The following PPFIA1 variants were observed in gnomAD, a reference collection of about 807,000 sequenced individuals.
PPFIA1 encodes the protein liprin-alpha-1.
A neutral mutation model predicts 149.9 loss-of-function variants in PPFIA1; 25 were observed. The ratio of observed to expected loss-of-function variants is 0.17; its 90% CI spans 0.12 to 0.23. The LOEUF (loss-of-function observed/expected upper bound fraction) is 0.23, where lower values mean the gene tolerates loss of function less well. PPFIA1 is among the 10% of genes least tolerant of loss of function. The probability of loss-of-function intolerance (pLI) is 1.00; values close to 1 mark genes in which losing one functional copy is unlikely to be tolerated. For missense variants in PPFIA1, 1,362 were observed against 1,506.5 expected, an observed-to-expected ratio of 0.90 and a Z score of 1.59; for synonymous variants, 549 against 552.8, an observed-to-expected ratio of 0.99 and a Z score of 0.10.
At chr11:70,315,485 T>C (rs538139866) in intron 2 of PPFIA1, among the ~76,000 whole-genome samples, 1 of 152,226 alleles carries the variant, frequency 6.6e-6, no homozygotes, top group African/African-American at 2.4e-5. Flanking sequence ...CATTTTAATA[T>C]ATAAACTTCT....
At chr11:70,282,632 C>T (rs1249760420) in intron 2 of PPFIA1, among the ~76,000 whole-genome samples, 1 of 144,764 alleles carries the variant, frequency 6.9e-6, no homozygotes, top group Admixed American at 7.2e-5. Flanking sequence ...GGGTTCACAC[C>T]ATTCTTCTGC....
intron 2 of PPFIA1, among the ~76,000 whole-genome samples, chr11:70,293,177 C>T (rs2051650590): frequency 6.6e-6 from 1 of 152,238 alleles, no homozygotes; most frequent in Non-Finnish European, 1.5e-5. Context: ...TTAACGGTTA[C>T]CTACCTGTTC....
intron 27 of PPFIA1, 57 bp downstream of exon 27, chr11:70,382,215 C>A: frequency 7.1e-7 from 1 of 1,401,678 alleles, no homozygotes; most frequent in Non-Finnish European, 1.0e-6. Flanking sequence ...CAGGAGTCAT[C>A]GGAGCTGCAG....
In PPFIA1 at chr11:70,312,122, G is replaced by C. The variant is rs146719317; in HGVS notation, c.265-12280G>C. On this transcript the variant is annotated intron_variant, in intron 2 of 27. Coordinates refer to ENST00000253925, the MANE Select transcript of PPFIA1 (RefSeq NM_003626.5). The stretch of plus-strand genomic sequence containing the variant: ...GCTTCTCAAAGTGCAGGGATTACAA[G>C]CGTGAGCCACCACTCCTGGCCGTGA... Among the ~76,000 whole-genome samples the C allele has an allele frequency of 2.7e-3, 412 of 151,910 alleles. 1 individual carries two copies. The highest frequency in any genetic ancestry group is 9.7e-3 in the African/African-American group (401 of 41,442).
intron 19 of PPFIA1, among the ~76,000 whole-genome samples, chr11:70,361,240 C>T (rs767121800): frequency 2.6e-4 from 40 of 152,308 alleles, no homozygotes; most frequent in Non-Finnish European, 4.6e-4. Context: ...CTCTCAGAGT[C>T]TATGGGGGAT....
intron 2 of PPFIA1, among the ~76,000 whole-genome samples, chr11:70,296,148 A>G (rs1486421182): frequency 3.4e-5 from 5 of 147,674 alleles, no homozygotes; most frequent in Non-Finnish European, 6.0e-5. Flanking sequence ...GGTGCTCCTC[A>G]CTTCCTAGAT....
rs1189080374 is a variant in PPFIA1 at position 70,270,699 on chromosome 11, C to A, written c.-216C>A. 6.6e-6 allele frequency: 1 copy of A among 151,334 alleles called. No homozygotes were observed. Among genetic ancestry groups the A allele is most frequent in the Non-Finnish European group, 1.5e-5 (1 of 67,794 alleles). The allele number at this position is 151,334 out of a possible 1,614,324, so 9.4% of individuals were successfully genotyped here. On this transcript the variant is annotated 5_prime_UTR_variant, in exon 1 of 28. Coordinates refer to ENST00000253925, the MANE Select transcript of PPFIA1 (RefSeq NM_003626.5). ...TCGACGTCGGGCACGTAGACGCCGGCGCCGCGCAGCCGGGCCCGCTCCTCC... is the reference window on the plus strand; with the variant it reads ...TCGACGTCGGGCACGTAGACGCCGGAGCCGCGCAGCCGGGCCCGCTCCTCC...
intron 2 of PPFIA1, among the ~76,000 whole-genome samples, chr11:70,298,114 A>G (rs2052208988): frequency 6.6e-6 from 1 of 152,240 alleles, no homozygotes; most frequent in South Asian, 2.1e-4. Context: ...TATTGAATGA[A>G]AATCCAAATC....
At position 70,372,360 on chromosome 11, in the gene PPFIA1, G is replaced by A. The variant is rs1431188951; in HGVS notation, c.3011G>A (p.Gly1004Glu). Residue 1004 changes from glycine (G) to glutamate (E), a missense_variant, in exon 22 of 28, where the codon GGG (glycine) becomes GAG (glutamate). Physicochemically the swap from Gly to Glu is moderately conservative, Grantham distance 98. This residue lies in a region of PPFIA1 where 349 missense variants were observed against 373.3 expected (regional missense o/e 0.93). Transcript: ENST00000253925. ...LDHLTKKDLR[G>E]QLKMVDSFHR... Reference sequence around the variant, plus strand: ...CACTTGACCAAGAAAGACCTTCGAGGGCAGCTGAAAATGGTCGACAGTTTT... The same window carrying A: ...CACTTGACCAAGAAAGACCTTCGAGAGCAGCTGAAAATGGTCGACAGTTTT... The A allele has an allele frequency of 3.1e-6, 5 of 1,614,138 alleles. No homozygotes were observed. The highest frequency in any genetic ancestry group is 4.2e-6 in the Non-Finnish European group (5 of 1,180,032).
At chr11:70,296,400 C>T (rs1320367855) in intron 2 of PPFIA1, among the ~76,000 whole-genome samples, 1 of 152,290 alleles carries the variant, frequency 6.6e-6, no homozygotes, top group Non-Finnish European at 1.5e-5. Flanking sequence ...CCATTGAGCA[C>T]TGAGTGAACC....
At chr11:70,271,560 C>T (rs1469494501) in intron 1 of PPFIA1, among the ~76,000 whole-genome samples, 1 of 152,004 alleles carries the variant, frequency 6.6e-6, no homozygotes, top group African/African-American at 2.4e-5. Flanking sequence ...TTAGGTTGAC[C>T]AACCGTTGCA....
chr11:70,355,156 G>C (rs914412159), intron 17 of PPFIA1, among the ~76,000 whole-genome samples: 1 of 152,132 alleles, frequency 6.6e-6, no homozygotes, highest in African/African-American at 2.4e-5. Context: ...GCCCGCCTCG[G>C]CCTCCCAAAA....
chr11:70,329,154 C>A (rs1488791660), intron 7 of PPFIA1, among the ~76,000 whole-genome samples: 1 of 152,196 alleles, frequency 6.6e-6, no homozygotes, highest in Non-Finnish European at 1.5e-5. Context: ...CTGAGAGAGG[C>A]CGCACCCTGT....
At chr11:70,305,218 C>CA (rs890500364) in intron 2 of PPFIA1, among the ~76,000 whole-genome samples, 1 of 150,888 alleles carries the variant, frequency 6.6e-6, no homozygotes, top group African/African-American at 2.4e-5. Context: ...GTTGCCACAG[C>CA]AAAAAAAGGG....
At chr11:70,313,895 G>T (rs1048484408) in intron 2 of PPFIA1, among the ~76,000 whole-genome samples, 2 of 152,188 alleles carry the variant, frequency 1.3e-5, no homozygotes, top group African/African-American at 4.8e-5. Flanking sequence ...GCGCATGCCT[G>T]TGGTCCCAGA....
In PPFIA1 at chr11:70,326,691, A is replaced by G. The variant is rs2054310740; in HGVS notation, c.803A>G (p.Gln268Arg). The G allele has an allele frequency of 6.2e-7, 1 of 1,614,078 alleles. No individual in the cohort carries two copies. Among genetic ancestry groups the G allele is most frequent in the African/African-American group, 1.3e-5 (1 of 74,940 alleles). ...IISKQSREQS[Q>R]MKERLASLSS... is the part of the protein sequence containing the mutation. ...AGTAAGCAGTCAAGGGAACAGAGCC[A>G]AATGAAAGAACGCCTGGCTTCCCTT... The change falls in exon 7 of 28, where the codon CAA becomes CGA. Residue 268 changes from glutamine (Q) to arginine (R), a missense_variant. Around this residue, in one of 7 missense-constraint regions of PPFIA1, gnomAD observed 733 missense variants for 744.1 expected, o/e 0.99. Transcript: ENST00000253925.
At chr11:70,356,496 A>G (rs1042725051) in intron 19 of PPFIA1, among the ~76,000 whole-genome samples, 3 of 152,176 alleles carry the variant, frequency 2.0e-5, no homozygotes, top group Admixed American at 2.0e-4. Flanking sequence ...AGGGTGGGTG[A>G]GAGTTGGACT....
At chr11:70,381,750 A>G (rs1281280179) in intron 26 of PPFIA1, among the ~76,000 whole-genome samples, 3 of 152,248 alleles carry the variant, frequency 2.0e-5, no homozygotes, top group Non-Finnish European at 4.4e-5. Context: ...CCATTGGTCT[A>G]TGAATGCAGA....
intron 2 of PPFIA1, among the ~76,000 whole-genome samples, chr11:70,319,777 A>G: frequency 6.6e-6 from 1 of 152,128 alleles, no homozygotes; most frequent in East Asian, 1.9e-4. Flanking sequence ...CTTCCTCCAT[A>G]CACGCTGCCC....
Sources: gnomAD v4.1 joint callset for allele counts (sites outside exome capture counted in the v4.1 genomes callset) on GRCh38, gnomAD v4.1.1 for gene constraint, gnomAD v4.1.1 regional missense constraint, MANE v1.5 for transcripts, NCBI Gene and HGNC (gene_info 2026-07-23, HGNC 2026-07-21) for gene names.